Variants in ZFPM2 observed in about 807,000 individuals in gnomAD.
ZFPM2 encodes zinc finger protein ZFPM2.
ZFPM2 carries 20 observed loss-of-function variants against 98.6 expected under a neutral mutation model. The ratio of observed to expected loss-of-function variants is 0.20; its 90% CI spans 0.14 to 0.29. The LOEUF (loss-of-function observed/expected upper bound fraction) is 0.29. Among genes scored for constraint, ZFPM2 ranks in the 10% least tolerant of loss-of-function variants. ZFPM2 has a pLI of 1.00. For missense variants in ZFPM2, 1,310 were observed against 1,388.6 expected (o/e 0.94, Z 0.90); for synonymous variants, 518 against 502.7 (o/e 1.03, Z -0.41).
intron 1 of ZFPM2, chr8:105,418,580 G>T (rs552488773): frequency 2.5e-5 from 13 of 518,452 alleles, no homozygotes; most frequent in African/African-American, 1.7e-4. Context: ...TATGAATAGG[G>T]TTATGCTTTC....
At chr8:105,752,150 A>G (rs1812492903) in intron 5 of ZFPM2, among the ~76,000 whole-genome samples, 1 of 152,086 alleles carries the variant, frequency 6.6e-6, no homozygotes, top group African/African-American at 2.4e-5. Context: ...TGTATTCATA[A>G]TGTACTGCTC....
intron 2 of ZFPM2, among the ~76,000 whole-genome samples, chr8:105,431,897 G>C (rs1242577761): frequency 2.2e-5 from 3 of 134,076 alleles, no homozygotes; most frequent in Non-Finnish European, 4.6e-5. Context: ...TGTTCAGACT[G>C]GGTGACAGAG....
chr8:105,489,374 TTATATATTTATAGATATATATTTTA>T (rs1563682290), intron 3 of ZFPM2, among the ~76,000 whole-genome samples: 1 of 145,552 alleles, frequency 6.9e-6, no homozygotes, highest in Non-Finnish European at 1.5e-5. Flanking sequence ...AGGTATATAT[TTATATATTTATAGATATATATTTTA>T]TATATATTTA....
chr8:105,738,554 G>C (rs1423907014), intron 5 of ZFPM2, among the ~76,000 whole-genome samples: 1 of 152,050 alleles, frequency 6.6e-6, no homozygotes, highest in Non-Finnish European at 1.5e-5. Flanking sequence ...GGATTGCTGA[G>C]TCAAATGATA....
In ZFPM2 at chr8:105,601,982, T is replaced by C. The variant is rs145838009; in HGVS notation, c.421-32264T>C. ...ACCCTCAGGACGCCTTCAACATTTG[T>C]TATGGCCTCTGATTTCTCCAAGTTG... On this transcript the variant is annotated intron_variant, in intron 4 of 7. Transcript: ENST00000407775. Among the ~76,000 whole-genome samples, 937 of 152,188 alleles carry C rather than the reference T, an allele frequency of 6.2e-3. 8 individuals are homozygous for C. The highest frequency in any genetic ancestry group is 0.021 in the African/African-American group (887 of 41,520).
chr8:105,754,992 G>A (rs555332843), intron 5 of ZFPM2, among the ~76,000 whole-genome samples: 10 of 151,822 alleles, frequency 6.6e-5, no homozygotes, highest in African/African-American at 1.2e-4. Context: ...GTGCACGTGC[G>A]CATGTGCGCA....
At chr8:105,689,923 G>A (rs760536379) in intron 5 of ZFPM2, among the ~76,000 whole-genome samples, 7 of 152,176 alleles carry the variant, frequency 4.6e-5, no homozygotes, top group Non-Finnish European at 8.8e-5. Flanking sequence ...GAGAGAAAAA[G>A]TGAAACAGAT....
chr8:105,629,390 C>T (rs1461381477), intron 4 of ZFPM2, among the ~76,000 whole-genome samples: 1 of 152,112 alleles, frequency 6.6e-6, no homozygotes, highest in African/African-American at 2.4e-5. Flanking sequence ...TTTCAACTAA[C>T]GGGAAGCTAT....
At chr8:105,774,018 G>GT (rs2131096350) in intron 5 of ZFPM2, among the ~76,000 whole-genome samples, 1 of 152,288 alleles carries the variant, frequency 6.6e-6, no homozygotes, top group African/African-American at 2.4e-5. Context: ...GCGTCTGACA[G>GT]TTTTCATGTT....
intron 3 of ZFPM2, among the ~76,000 whole-genome samples, chr8:105,491,070 C>G (rs1313052013): frequency 1.3e-5 from 2 of 152,038 alleles, no homozygotes; most frequent in African/African-American, 4.8e-5. Flanking sequence ...TCTGTCATCA[C>G]CCACAGTAAC....
chr8:105,773,266 A>G (rs530578041), intron 5 of ZFPM2, among the ~76,000 whole-genome samples: 15 of 152,294 alleles, frequency 9.8e-5, no homozygotes, highest in Non-Finnish European at 1.9e-4. Context: ...TGTACTATAA[A>G]TAGCCCTTAT....
chr8:105,580,882 C>T (rs1815580891), intron 4 of ZFPM2, among the ~76,000 whole-genome samples: 1 of 149,348 alleles, frequency 6.7e-6, no homozygotes, highest in Non-Finnish European at 1.5e-5. Context: ...ATCACATTTA[C>T]TAATTAATTC....
intron 1 of ZFPM2, among the ~76,000 whole-genome samples, chr8:105,399,529 A>T (rs1326874538): frequency 6.6e-6 from 1 of 152,148 alleles, no homozygotes; most frequent in African/African-American, 2.4e-5. Context: ...CTATTGTTCC[A>T]ACTAGATACA....
chr8:105,404,136 C>T (rs996490557), intron 1 of ZFPM2, among the ~76,000 whole-genome samples: 2 of 152,038 alleles, frequency 1.3e-5, no homozygotes, highest in African/African-American at 4.8e-5. Context: ...ATTTAAGAAG[C>T]TGAAGGACAA....
At chr8:105,555,340 A>T (rs2130677620) in intron 3 of ZFPM2, among the ~76,000 whole-genome samples, 1 of 151,836 alleles carries the variant, frequency 6.6e-6, no homozygotes, top group South Asian at 2.1e-4. Context: ...TTTTTATCCC[A>T]CTCCGTATTC....
At chr8:105,338,789 G>T (rs1812370970) in intron 1 of ZFPM2, among the ~76,000 whole-genome samples, 1 of 151,892 alleles carries the variant, frequency 6.6e-6, no homozygotes, top group Non-Finnish European at 1.5e-5. Context: ...CCTTAAGGTT[G>T]TAGTAAGGCA....
At chr8:105,776,852 A>C (rs1813117081) in intron 5 of ZFPM2, among the ~76,000 whole-genome samples, 1 of 152,316 alleles carries the variant, frequency 6.6e-6, no homozygotes, top group African/African-American at 2.4e-5. Context: ...CCTATAAAAT[A>C]TTGACATAAT....
intron 5 of ZFPM2, among the ~76,000 whole-genome samples, chr8:105,690,182 C>T (rs1346140572): frequency 1.3e-5 from 2 of 152,152 alleles, no homozygotes; most frequent in Non-Finnish European, 2.9e-5. Context: ...CCAGGGTTCA[C>T]CCTGAATAAG....
At chr8:105,396,668 T>G (rs544358380) in intron 1 of ZFPM2, among the ~76,000 whole-genome samples, 8 of 152,354 alleles carry the variant, frequency 5.3e-5, no homozygotes, top group Admixed American at 3.9e-4. Flanking sequence ...TGCATGTTTA[T>G]CATGCTTTAC....
Sources: allele counts gnomAD v4.1 joint callset (sites outside exome capture counted in the v4.1 genomes callset), GRCh38; gene constraint gnomAD v4.1.1; transcripts MANE v1.5; gene names NCBI Gene and HGNC (gene_info 2026-07-23, HGNC 2026-07-21).